Variants in NCAM2 observed in about 807,000 individuals in gnomAD.
NCAM2 encodes neural cell adhesion molecule 2, also known as N-CAM-2.
In NCAM2, 30 loss-of-function variants were observed where a neutral mutation model predicts 98.1. The ratio of observed to expected loss-of-function variants is 0.31; its 90% CI spans 0.23 to 0.41. NCAM2 has a LOEUF of 0.41. Ranked by LOEUF, NCAM2 falls within the 10% of genes least tolerant of loss-of-function variation. NCAM2 has a pLI of 1.00. For missense variants in NCAM2, 867 were observed against 1,005.8 expected, an observed-to-expected ratio of 0.86 and a Z score of 1.87; for synonymous variants, 368 against 342.4, an observed-to-expected ratio of 1.07 and a Z score of -0.83.
intron 1 of NCAM2, among the ~76,000 whole-genome samples, chr21:21,171,733 C>A (rs571026243): frequency 6.6e-6 from 1 of 152,236 alleles, no homozygotes; most frequent in Admixed American, 6.5e-5. Context: ...AAAATCTTTT[C>A]TGTAGCTAAA....
In NCAM2 at chr21:21,508,998, A is replaced by G; in HGVS notation, c.2225A>G (p.Lys742Arg). 1.2e-6 allele frequency: 2 copies of G among 1,613,630 alleles called. No homozygotes were observed. The highest frequency in any genetic ancestry group is 1.7e-6 in the Non-Finnish European group (2 of 1,179,782). ...TGCATCACTAGGAGAATGTGTGGAA[A>G]GAAAAGTGGCTCCAGTGGCAAAAGT... The part of the protein sequence containing the change: ...LMCITRRMCG[K>R]KSGSSGKSKE... Residue 742 changes from lysine to arginine, a missense_variant, in exon 16 of 18, where the codon AAG becomes AGG. By Grantham distance (26) the Lys-to-Arg change is conservative. Around this residue, in one of 5 missense-constraint regions of NCAM2, gnomAD observed 125 missense variants for 116.1 expected, o/e 1.08. Transcript: ENST00000400546.
intron 1 of NCAM2, among the ~76,000 whole-genome samples, chr21:21,191,089 C>G (rs1359504027): frequency 3.9e-5 from 6 of 152,036 alleles, no homozygotes; most frequent in Non-Finnish European, 8.8e-5. Context: ...TAAATTGAGG[C>G]CATGTGAGGG....
At chr21:21,128,063 C>G (rs550291137) in intron 1 of NCAM2, among the ~76,000 whole-genome samples, 2 of 151,944 alleles carry the variant, frequency 1.3e-5, no homozygotes, top group Admixed American at 6.6e-5. Flanking sequence ...CAATAAAAAG[C>G]AAGAACTGTA....
At chr21:21,154,119 G>A (rs551317083) in intron 1 of NCAM2, among the ~76,000 whole-genome samples, 36 of 151,808 alleles carry the variant, frequency 2.4e-4, no homozygotes, top group Non-Finnish European at 4.1e-4. Flanking sequence ...CTTAAATTAT[G>A]GGTTTCCACG....
chr21:21,392,978 T>A (rs1338551768), intron 9 of NCAM2, among the ~76,000 whole-genome samples: 1 of 152,180 alleles, frequency 6.6e-6, no homozygotes, highest in Non-Finnish European at 1.5e-5. Context: ...TTTTTCCTTT[T>A]GTTGCAATTG....
In NCAM2 at chr21:21,198,032, G is replaced by T. The variant is rs1373345918; in HGVS notation, c.56-82546G>T. Among the ~76,000 whole-genome samples the T allele has an allele frequency of 2.6e-5, 4 of 152,008 alleles. No homozygotes were observed. The East Asian group carries it at 7.7e-4, about 29-fold the overall frequency. ...AATATTAAAACTTCCTACTTTACCT[G>T]GTTCATATCACTCTTATGGGTAATC... is the stretch of plus-strand genomic sequence containing the variant. On this transcript the variant is annotated intron_variant, in intron 1 of 17. Transcript: ENST00000400546.
chr21:21,307,392 T>C (rs1316860919), intron 5 of NCAM2, among the ~76,000 whole-genome samples: 1 of 152,186 alleles, frequency 6.6e-6, no homozygotes, highest in East Asian at 1.9e-4. Flanking sequence ...TATTTTTACA[T>C]TAATCATAAA....
intron 12 of NCAM2, among the ~76,000 whole-genome samples, chr21:21,439,951 T>C (rs549485072): frequency 8.5e-5 from 13 of 152,306 alleles, no homozygotes; most frequent in African/African-American, 3.1e-4. Flanking sequence ...TAATGAAACT[T>C]CCCAAATCTC....
chr21:21,307,043 T>A (rs996045959), intron 5 of NCAM2, among the ~76,000 whole-genome samples: 3 of 125,454 alleles, frequency 2.4e-5, no homozygotes, highest in African/African-American at 9.3e-5. Flanking sequence ...TTAAAGTGGG[T>A]TTTTGTAGGA....
intron 1 of NCAM2, among the ~76,000 whole-genome samples, chr21:21,079,328 A>G (rs1038518401): frequency 6.6e-5 from 10 of 152,196 alleles, no homozygotes; most frequent in African/African-American, 2.4e-4. Context: ...CATTCATTCA[A>G]TAAACTTTTA....
intron 1 of NCAM2, among the ~76,000 whole-genome samples, chr21:21,204,972 A>G (rs921860262): frequency 1.3e-5 from 2 of 152,102 alleles, no homozygotes; most frequent in African/African-American, 4.8e-5. Flanking sequence ...CTAAGCACAC[A>G]TATCATTCAC....
intron 1 of NCAM2, among the ~76,000 whole-genome samples, chr21:21,028,435 C>T (rs2064599546): frequency 6.6e-6 from 1 of 152,132 alleles, no homozygotes; most frequent in South Asian, 2.1e-4. Context: ...CGAGAGAAAA[C>T]CAAACACAGT....
intron 8 of NCAM2, among the ~76,000 whole-genome samples, chr21:21,364,614 G>A (rs232503): frequency 0.36 from 54,313 of 151,422 alleles, 9,935 homozygotes; most frequent in East Asian, 0.58. Context: ...ATATACACAT[G>A]TATATACATG....
intron 8 of NCAM2, among the ~76,000 whole-genome samples, chr21:21,341,679 CAG>C (rs1048259371): frequency 1.6e-4 from 24 of 149,162 alleles, no homozygotes; most frequent in Admixed American, 1.3e-3. Context: ...TTAGATTTTT[CAG>C]AGAGGAGGGT....
intron 1 of NCAM2, among the ~76,000 whole-genome samples, chr21:21,158,572 T>A (rs960640143): frequency 3.2e-4 from 48 of 150,246 alleles, no homozygotes; most frequent in Non-Finnish European, 6.3e-4. Context: ...ACCACTGCTT[T>A]CCAGCCTGGC....
chr21:21,390,102 C>T (rs1309318725), intron 9 of NCAM2, among the ~76,000 whole-genome samples: 1 of 152,178 alleles, frequency 6.6e-6, no homozygotes, highest in Non-Finnish European at 1.5e-5. Context: ...CCCTCCTCGG[C>T]CTCCCAAAGT....
At chr21:21,524,762 G>C (rs1989232797) in intron 16 of NCAM2, among the ~76,000 whole-genome samples, 1 of 151,854 alleles carries the variant, frequency 6.6e-6, no homozygotes, top group Non-Finnish European at 1.5e-5. Flanking sequence ...TCACACCCTA[G>C]GTCATATGAC....
intron 1 of NCAM2, among the ~76,000 whole-genome samples, chr21:21,161,642 A>T (rs2067789032): frequency 1.3e-5 from 2 of 151,878 alleles, no homozygotes; most frequent in Admixed American, 6.6e-5. Flanking sequence ...GTGTGTATTT[A>T]AAAATATTTA....
chr21:21,447,451 A>G (rs537444595), intron 12 of NCAM2, among the ~76,000 whole-genome samples: 1 of 152,330 alleles, frequency 6.6e-6, no homozygotes, highest in Admixed American at 6.5e-5. Context: ...AAAACCCTAG[A>G]AGAAAACCTA....
Sources: allele counts gnomAD v4.1 joint callset (sites outside exome capture counted in the v4.1 genomes callset), GRCh38; gene constraint gnomAD v4.1.1; regional missense constraint gnomAD v4.1.1; transcripts MANE v1.5; gene names NCBI Gene and HGNC (gene_info 2026-07-23, HGNC 2026-07-21).